TANC2: variants seen among roughly 807,000 people sequenced by gnomAD.
TANC2 encodes protein TANC2.
A neutral mutation model predicts 210.5 loss-of-function variants in TANC2; 26 were observed. That is an observed-to-expected ratio of 0.12 (90% confidence interval 0.09 to 0.17). The LOEUF (loss-of-function observed/expected upper bound fraction) is 0.17, where lower values mean the gene tolerates loss of function less well. Ranked by LOEUF, TANC2 falls within the 10% of genes least tolerant of loss-of-function variation. TANC2 has a pLI of 1.00. For synonymous variants in TANC2, 931 were observed against 967.1 expected (o/e 0.96, Z 0.69); for missense variants, 2,129 against 2,608.9 (o/e 0.82, Z 4.01).
chr17:63,193,627 T>C (rs2041254039), intron 5 of TANC2, among the ~76,000 whole-genome samples: 2 of 152,206 alleles, frequency 1.3e-5, no homozygotes, highest in Admixed American at 6.5e-5. Flanking sequence ...TTAAAATCTG[T>C]GCTACTGTGG....
At chr17:63,372,532 C>G (rs955964160) in intron 14 of TANC2, among the ~76,000 whole-genome samples, 1 of 152,152 alleles carries the variant, frequency 6.6e-6, no homozygotes, top group Non-Finnish European at 1.5e-5. Flanking sequence ...ACTAGTTACT[C>G]TGAAGAATAT....
At chr17:63,338,269 C>T (rs1014151274) in intron 11 of TANC2, among the ~76,000 whole-genome samples, 16 of 152,216 alleles carry the variant, frequency 1.1e-4, no homozygotes, top group African/African-American at 3.6e-4. Context: ...CACAACCTCA[C>T]CAGCACAGAA....
chr17:63,352,940 A>G (rs1213255203), intron 13 of TANC2, among the ~76,000 whole-genome samples: 1 of 152,142 alleles, frequency 6.6e-6, no homozygotes, highest in Non-Finnish European at 1.5e-5. Flanking sequence ...AAAAAGTTAA[A>G]CATATACTAA....
In TANC2 at chr17:63,112,213, C is replaced by T. The variant is rs555513846; in HGVS notation, c.322+12856C>T. 6.0e-4 allele frequency among the ~76,000 whole-genome samples: 92 copies of T among 152,210 alleles called. 1 individual carries two copies. Among genetic ancestry groups the T allele is most frequent in the African/African-American group, 2.2e-3 (91 of 41,536 alleles). On this transcript the variant is annotated intron_variant, in intron 4 of 27. Coordinates refer to ENST00000689528, the Ensembl canonical transcript of TANC2. ...GGGTCAAACCAAGGACACCTAGGAC[C>T]TGAGATGGAGAAGGCAAGTTAGTAA...
intron 25 of TANC2, 128 bp downstream of exon 25, chr17:63,413,762 G>A: frequency 2.4e-6 from 2 of 836,600 alleles, no homozygotes; most frequent in South Asian, 1.8e-5. Flanking sequence ...GTTCCTCAGT[G>A]ATGGCCTCAT....
intron 18 of TANC2, chr17:63,396,780 G>T (rs1247702518): frequency 6.6e-6 from 1 of 151,978 alleles, no homozygotes; most frequent in African/African-American, 2.4e-5. Context: ...AGTACCTATG[G>T]ACATAAAGAG....
At chr17:63,015,070 T>C (rs199674470) in intron 2 of TANC2, among the ~76,000 whole-genome samples, 1 of 152,074 alleles carries the variant, frequency 6.6e-6, no homozygotes, top group East Asian at 1.9e-4. Context: ...GTAGATACTT[T>C]ATTCTTTATA....
chr17:63,372,297 G>A (rs571727370), intron 14 of TANC2, among the ~76,000 whole-genome samples: 4 of 152,212 alleles, frequency 2.6e-5, no homozygotes, highest in East Asian at 1.9e-4. Context: ...AGCAGTGAAC[G>A]GCATCTGTAC....
chr17:63,030,174 C>T (rs1396067664), intron 2 of TANC2, among the ~76,000 whole-genome samples: 1 of 152,082 alleles, frequency 6.6e-6, no homozygotes, highest in Non-Finnish European at 1.5e-5. Context: ...GAAATATGAA[C>T]TTTATGTTAA....
intron 2 of TANC2, among the ~76,000 whole-genome samples, chr17:63,015,256 G>C (rs2034054077): frequency 6.6e-6 from 1 of 150,732 alleles, no homozygotes; most frequent in Non-Finnish European, 1.5e-5. Flanking sequence ...TTTTTCTGTG[G>C]GCCACTAGAT....
intron 1 of TANC2, among the ~76,000 whole-genome samples, chr17:62,998,801 C>T (rs1029457571): frequency 6.6e-6 from 1 of 152,156 alleles, no homozygotes; most frequent in Admixed American, 6.5e-5. Context: ...ACAAAAAACA[C>T]ACTTAAGTAC....
intron 2 of TANC2, among the ~76,000 whole-genome samples, chr17:63,018,462 C>CA (rs1488584674): frequency 1.4e-5 from 2 of 142,654 alleles, no homozygotes; most frequent in East Asian, 2.1e-4. Flanking sequence ...GCCTGGGCGA[C>CA]AGAGTGAGAC....
chr17:63,180,471 C>CT (rs1262094768), intron 5 of TANC2, among the ~76,000 whole-genome samples: 3 of 152,182 alleles, frequency 2.0e-5, no homozygotes, highest in Non-Finnish European at 4.4e-5. Flanking sequence ...ACAAGTATTA[C>CT]TATTTAAACA....
chr17:63,416,960 T>TG (rs1184963486), intron 26 of TANC2, among the ~76,000 whole-genome samples: 1 of 152,234 alleles, frequency 6.6e-6, no homozygotes, highest in Non-Finnish European at 1.5e-5. Flanking sequence ...GCTCAGAAGT[T>TG]GCTGCCAACC....
At chr17:63,295,590 C>T (rs1026197318) in intron 9 of TANC2, among the ~76,000 whole-genome samples, 1 of 152,152 alleles carries the variant, frequency 6.6e-6, no homozygotes, top group Non-Finnish European at 1.5e-5. Flanking sequence ...ATGAAAATTC[C>T]TAAAGGGAAG....
At chr17:63,219,666 C>T (rs2042116547) in intron 7 of TANC2, among the ~76,000 whole-genome samples, 1 of 152,182 alleles carries the variant, frequency 6.6e-6, no homozygotes, top group Non-Finnish European at 1.5e-5. Context: ...CCACCTCAGC[C>T]TCCCAAAGTG....
At chr17:63,013,956 A>G (rs541347417) in intron 2 of TANC2, among the ~76,000 whole-genome samples, 114 of 151,890 alleles carry the variant, frequency 7.5e-4, no homozygotes, top group African/African-American at 2.5e-3. Flanking sequence ...GACCATACGC[A>G]TATCATCTCT....
intron 5 of TANC2, among the ~76,000 whole-genome samples, chr17:63,190,459 A>G (rs181711075): frequency 6.6e-6 from 1 of 152,336 alleles, no homozygotes; most frequent in Admixed American, 6.5e-5. Flanking sequence ...GCGTTGTAAT[A>G]AATTTTGAAA....
At chr17:62,977,867 G>A (rs2032099605) in intron 1 of TANC2, among the ~76,000 whole-genome samples, 1 of 152,004 alleles carries the variant, frequency 6.6e-6, no homozygotes, top group Non-Finnish European at 1.5e-5. Context: ...TTTTTTCAGT[G>A]TGTTTCTCTT....
Sources: gnomAD v4.1 joint callset for allele counts (sites outside exome capture counted in the v4.1 genomes callset) on GRCh38, gnomAD v4.1.1 for gene constraint, MANE v1.5 for transcripts, NCBI Gene and HGNC (gene_info 2026-07-23, HGNC 2026-07-21) for gene names.